Variants in MEGF11 observed in about 807,000 individuals in gnomAD.
MEGF11 encodes multiple EGF like domains 11.
Under a neutral mutation model 146.6 loss-of-function variants are expected in MEGF11, and 126 were observed. The ratio of observed to expected loss-of-function variants is 0.86; its 90% CI spans 0.74 to 1.00. The LOEUF is 1.00. Ranked by LOEUF, MEGF11 falls within the 50% of genes least tolerant of loss-of-function variation. MEGF11 has a pLI of 0.00. For synonymous variants in MEGF11, 532 were observed against 583.4 expected (o/e 0.91, Z 1.27); for missense variants, 1,509 against 1,521.2 (o/e 0.99, Z 0.13).
chr15:65,942,211 G>A (rs2080019298), intron 10 of MEGF11, among the ~76,000 whole-genome samples: 1 of 152,126 alleles, frequency 6.6e-6, no homozygotes, highest in African/African-American at 2.4e-5. Flanking sequence ...GGAAATGATG[G>A]GGACTCAAAT....
intron 9 of MEGF11, among the ~76,000 whole-genome samples, chr15:65,961,255 C>T (rs967435080): frequency 6.6e-6 from 1 of 152,098 alleles, no homozygotes; most frequent in African/African-American, 2.4e-5. Context: ...GTTACAGTCA[C>T]TTGTGTTTAG....
At chr15:66,208,941 C>T (rs1328043168) in intron 1 of MEGF11, among the ~76,000 whole-genome samples, 1 of 151,992 alleles carries the variant, frequency 6.6e-6, no homozygotes, top group African/African-American at 2.4e-5. Context: ...AAAAACAAAA[C>T]AAAACAATGA....
intron 22 of MEGF11, among the ~76,000 whole-genome samples, 162 bp from the exon 23 acceptor site, chr15:65,909,297 G>A (rs898450129): frequency 1.3e-5 from 2 of 152,032 alleles, no homozygotes; most frequent in Non-Finnish European, 2.9e-5. Flanking sequence ...GGCCAGCGGG[G>A]CCAGGGGCTC....
chr15:66,180,086 T>G (rs2090506538), intron 1 of MEGF11, among the ~76,000 whole-genome samples: 1 of 152,280 alleles, frequency 6.6e-6, no homozygotes, highest in East Asian at 1.9e-4. Flanking sequence ...CTCTGTAAAG[T>G]TCTCCACAGT....
chr15:65,929,647 G>A, intron 12 of MEGF11, 73 bp downstream of exon 12: 2 of 1,490,316 alleles, frequency 1.3e-6, no homozygotes, highest in Non-Finnish European at 1.8e-6. Flanking sequence ...CACTCTTGTG[G>A]ACGAACTAAC....
intron 1 of MEGF11, among the ~76,000 whole-genome samples, chr15:66,130,894 C>A (rs1408404302): frequency 1.3e-5 from 2 of 152,136 alleles, no homozygotes; most frequent in African/African-American, 4.8e-5. Flanking sequence ...AAGACATATG[C>A]TTATGAGATG....
intron 1 of MEGF11, among the ~76,000 whole-genome samples, chr15:66,190,489 G>A (rs1049528375): frequency 2.0e-5 from 3 of 152,164 alleles, no homozygotes; most frequent in African/African-American, 7.2e-5. Flanking sequence ...AGGAGGAGGG[G>A]GCAGGGGCCT....
intron 5 of MEGF11, among the ~76,000 whole-genome samples, chr15:66,052,771 A>T (rs948208035): frequency 6.6e-6 from 1 of 152,190 alleles, no homozygotes; most frequent in Non-Finnish European, 1.5e-5. Context: ...ATCTTTGAAC[A>T]ACTAAACCAT....
At chr15:66,093,898 A>G (rs1349157755) in intron 5 of MEGF11, among the ~76,000 whole-genome samples, 2 of 152,178 alleles carry the variant, frequency 1.3e-5, no homozygotes, top group Non-Finnish European at 2.9e-5. Flanking sequence ...ATGTAGGAAC[A>G]CAAGGACCTG....
intron 4 of MEGF11, among the ~76,000 whole-genome samples, chr15:66,113,740 G>C (rs896102030): frequency 6.6e-6 from 1 of 152,170 alleles, no homozygotes; most frequent in Non-Finnish European, 1.5e-5. Context: ...AATTAGCCAG[G>C]TGCGGTGTCG....
At chr15:65,965,616 T>TCTTTCTTTCTTTC (rs1567180156) in intron 8 of MEGF11, among the ~76,000 whole-genome samples, 15 of 115,440 alleles carry the variant, frequency 1.3e-4, no homozygotes, top group Non-Finnish European at 2.1e-4. Flanking sequence ...TTTTTTTCTT[T>TCTTTCTTTCTTTC]TTTTTTTTTT....
chr15:65,949,669 C>T (rs978620867), intron 10 of MEGF11, among the ~76,000 whole-genome samples: 1 of 152,196 alleles, frequency 6.6e-6, no homozygotes, highest in Non-Finnish European at 1.5e-5. Context: ...CCAGAGGGCC[C>T]CTTATCTTCC....
Position 65,970,594 on chromosome 15 carries a change from C to G in MEGF11, c.858G>C (p.Val286=). The G allele has an allele frequency of 6.2e-7, 1 of 1,614,006 alleles. No individual in the cohort carries two copies. The highest frequency in any genetic ancestry group is 8.5e-7 in the Non-Finnish European group (1 of 1,179,866). ...CAGCTGTACAGTGGCACTGTCCAGT[C>G]ACGTGGTCACACTGCCCTCCATGGT... The part of the protein sequence containing the change: ...PCHHGGQCDH[V]TGQCHCTAGY... The change falls in exon 8 of 26, where the codon GTG becomes GTC. Residue 286 remains valine (V), a synonymous_variant. Coordinates refer to ENST00000395614, the MANE Select transcript of MEGF11 (RefSeq NM_001385028.1).
intron 5 of MEGF11, among the ~76,000 whole-genome samples, chr15:66,005,195 ACTT>A (rs1303812848): frequency 6.6e-6 from 1 of 152,296 alleles, no homozygotes; most frequent in East Asian, 1.9e-4. Context: ...TTCTCCTGAA[ACTT>A]CTTCTCCCAC....
rs762505397 is a variant in MEGF11 at position 65,964,993 on chromosome 15, G to A, written c.1027C>T (p.Arg343Cys). The change falls in exon 9 of 26, where the codon CGC becomes TGC. Residue 343 changes from arginine to cysteine, a missense_variant. Transcript: ENST00000395614. ...CECEPGYKGPRCQERLCPEGL... is the reference protein window; with the variant it reads ...CECEPGYKGPCCQERLCPEGL... ...TCCGGGCACAGTCGCTCCTGGCAGC[G>A]TGGGCCCTTGTAGCCAGGCTCACAC... is the stretch of plus-strand genomic sequence containing the variant. The A allele has an allele frequency of 1.1e-5, 17 of 1,568,258 alleles. No homozygotes were observed. Among genetic ancestry groups the A allele is most frequent in the Admixed American group, 3.7e-5 (2 of 53,618 alleles).
rs147562932 is a variant in MEGF11, at chr15:66,179,282, G to T, written c.-8-50871C>A. On this transcript the variant is annotated intron_variant, in intron 1 of 25. Coordinates refer to ENST00000395614, the MANE Select transcript of MEGF11 (RefSeq NM_001385028.1). ...TGAGCAGCTGGGACTACTGGTACACGCCCCCACACCCAGCTAATTTTTGTA... is the reference window on the plus strand; with the variant it reads ...TGAGCAGCTGGGACTACTGGTACACTCCCCCACACCCAGCTAATTTTTGTA... 3.9e-5 allele frequency among the ~76,000 whole-genome samples: 6 copies of T among 152,188 alleles called. No individual in the cohort carries two copies. In the East Asian group the frequency reaches 1.2e-3, roughly 29 times the overall value.
At chr15:65,917,079 G>T in intron 16 of MEGF11, 123 bp from the exon 17 acceptor site, 1 of 1,030,898 alleles carries the variant, frequency 9.7e-7, no homozygotes, top group Non-Finnish European at 1.4e-6. Context: ...ACATTTCCTG[G>T]CTTTCAGGGG....
intron 12 of MEGF11, among the ~76,000 whole-genome samples, chr15:65,929,200 A>T (rs1032622286): frequency 3.9e-5 from 6 of 152,230 alleles, no homozygotes; most frequent in African/African-American, 1.4e-4. Context: ...CAGCAATATC[A>T]TATCAGTGGG....
chr15:65,897,793 G>A lies in MEGF11; in HGVS notation c.*141C>T, dbSNP rs1024460965. ...ACAATTATCCCAGTCCCACCTGGAC[G>A]CTCTTCTTTAGTTCCAGGTGAACGT... is the stretch of plus-strand genomic sequence containing the variant. On this transcript the variant is annotated 3_prime_UTR_variant, in exon 26 of 26. Coordinates refer to ENST00000395614, the MANE Select transcript of MEGF11 (RefSeq NM_001385028.1). The A allele has an allele frequency of 5.5e-5, 43 of 778,478 alleles. No individual in the cohort carries two copies. The highest frequency in any genetic ancestry group is 4.8e-4 in the African/African-American group (27 of 56,722). 48.2% of individuals were successfully genotyped at this position (778,478 alleles called of 1,614,324 possible). A position where few individuals can be genotyped will look rare whatever the true frequency, so the allele number is the denominator to read the frequency against.
Sources: gnomAD v4.1 joint callset for allele counts (sites outside exome capture counted in the v4.1 genomes callset) on GRCh38, gnomAD v4.1.1 for gene constraint, MANE v1.5 for transcripts, NCBI Gene and HGNC (gene_info 2026-07-23, HGNC 2026-07-21) for gene names.